Variants in ALS2CL observed in about 807,000 individuals in gnomAD.
ALS2CL encodes ALS2 C-terminal like.
A neutral mutation model predicts 127.9 loss-of-function variants in ALS2CL; 112 were observed. The ratio of observed to expected loss-of-function variants is 0.88; its 90% CI spans 0.75 to 1.02. The LOEUF is 1.02. Ranked by LOEUF, ALS2CL falls within the 50% of genes least tolerant of loss-of-function variation. The pLI, the probability that ALS2CL is intolerant of heterozygous loss-of-function variation, is 0.00. For missense variants in ALS2CL, 1,174 were observed against 1,236.7 expected, an observed-to-expected ratio of 0.95 and a Z score of 0.76; for synonymous variants, 519 against 527.6, an observed-to-expected ratio of 0.98 and a Z score of 0.22.
Position 46,685,620 on chromosome 3 carries a change from T to G in ALS2CL, c.691A>C (p.Arg231=), listed in dbSNP as rs1699704486. 7.4e-6 allele frequency: 12 copies of G among 1,613,800 alleles called. No individual in the cohort carries two copies. Among genetic ancestry groups the G allele is most frequent in the Non-Finnish European group, 9.3e-6 (11 of 1,179,926 alleles). ...ACGTCCTGGCTGTCCTGAAGGAGTC[T>G]GTGAGCAGGGGTGCAGAGCACATCC... ...LRDVLCTPAH[R]LLQDSQDVPV... is the part of the protein sequence containing the mutation. The change falls in exon 7 of 26, where the codon AGA becomes CGA. Residue 231 remains arginine (R), a synonymous_variant. Coordinates refer to ENST00000318962, the MANE Select transcript of ALS2CL (RefSeq NM_147129.5).
Position 46,676,408 on chromosome 3 carries a change from C to T in ALS2CL, c.2029-6G>A, listed in dbSNP as rs778638321. On this transcript the variant is annotated splice_polypyrimidine_tract_variant and splice_region_variant and intron_variant, in intron 18 of 25. Transcript: ENST00000318962. ...TGCAGTGAGTTGCTCAGAGCCTGGGCCAGTGCATAGGCAACAGAGAGAGAC... is the reference window on the plus strand; with the variant it reads ...TGCAGTGAGTTGCTCAGAGCCTGGGTCAGTGCATAGGCAACAGAGAGAGAC... 6.2e-7 allele frequency: 1 copy of T among 1,613,722 alleles called. No individual in the cohort carries two copies. Among genetic ancestry groups the T allele is most frequent in the Non-Finnish European group, 8.5e-7 (1 of 1,179,940 alleles).
In ALS2CL at chr3:46,670,708, A is replaced by G; in HGVS notation, c.*276T>C. On this transcript the variant is annotated 3_prime_UTR_variant, in exon 26 of 26. Coordinates refer to ENST00000318962, the MANE Select transcript of ALS2CL (RefSeq NM_147129.5). The surrounding 1 kb of genome is among the most constrained non-coding windows in gnomAD (Gnocchi z 5.5). ...AGAAAGGCTCAGGCTAAGAGAAGCC[A>G]GGGACTCCTCACCCCCAGCCTGTGA... 1 of 433,806 alleles carries G rather than the reference A, an allele frequency of 2.3e-6. No individual in the cohort carries two copies. Among genetic ancestry groups the G allele is most frequent in the Non-Finnish European group, 4.3e-6 (1 of 232,824 alleles). The allele number at this position is 433,806 out of a possible 1,614,324, so 26.9% of individuals were successfully genotyped here.
At position 46,670,643 on chromosome 3, in the gene ALS2CL, G is replaced by C. The variant is rs950756213; in HGVS notation, c.*341C>G. 5 of 322,436 alleles carry C rather than the reference G, an allele frequency of 1.6e-5. No individual in the cohort carries two copies. Among genetic ancestry groups the C allele is most frequent in the African/African-American group, 1.1e-4 (5 of 47,612 alleles). The allele number at this position is 322,436 out of a possible 1,614,324, so 20.0% of individuals were successfully genotyped here. A position where few individuals can be genotyped will look rare whatever the true frequency, so the allele number is the denominator to read the frequency against. ...AGCGTACTCACTCCACCATTGTACA[G>C]ATGGCAGCACTGAGGCCCGGAGAGG... On this transcript the variant is annotated 3_prime_UTR_variant, in exon 26 of 26. Transcript: ENST00000318962. This position sits in a 1 kb window ranked among gnomAD's most constrained non-coding sequence, Gnocchi z 5.5.
chr3:46,675,836 G>A (rs1455606554), intron 19 of ALS2CL, 150 bp from the exon 20 acceptor site: 7 of 1,475,278 alleles, frequency 4.7e-6, no homozygotes, highest in Non-Finnish European at 5.4e-6. Context: ...GAAGTTAGAA[G>A]GTTGGAGCTC....
chr3:46,676,672 C>T lies in ALS2CL; in HGVS notation c.1998G>A (p.Glu666=). 2 of 1,613,502 alleles carry T rather than the reference C, an allele frequency of 1.2e-6. No homozygotes were observed. The highest frequency in any genetic ancestry group is 1.7e-6 in the Non-Finnish European group (2 of 1,179,862). Residue 666 remains glutamate, a synonymous_variant, in exon 18 of 26, where the codon GAG becomes GAA. Coordinates refer to ENST00000318962, the MANE Select transcript of ALS2CL (RefSeq NM_147129.5). Reference sequence around the variant, plus strand: ...TGAGGTACAGCTGCAGGGCCTTGGGCTCCCGGTGCTGCAGCAGCTCCTCCA... The same window carrying T: ...TGAGGTACAGCTGCAGGGCCTTGGGTTCCCGGTGCTGCAGCAGCTCCTCCA... ...DILEELLQHR[E]PKALQLYLRK... is the part of the protein sequence containing the mutation.
chr3:46,687,784 C>A, intron 3 of ALS2CL, 100 bp from the exon 4 acceptor site: 1 of 1,298,830 alleles, frequency 7.7e-7, no homozygotes, highest in Admixed American at 2.4e-5. Flanking sequence ...TAGTCAGCTG[C>A]AGCCCTGAGG....
chr3:46,687,153 G>T lies in ALS2CL; in HGVS notation c.369-5C>A, dbSNP rs576398541. On this transcript the variant is annotated splice_region_variant and splice_polypyrimidine_tract_variant and intron_variant, in intron 4 of 25. Transcript: ENST00000318962. ...CGCTGGCCCCGCCAGTACTCGCTGCGTGTAGAGAGGGCCACGCACCACCTT... is the reference window on the plus strand; with the variant it reads ...CGCTGGCCCCGCCAGTACTCGCTGCTTGTAGAGAGGGCCACGCACCACCTT... 10 of 1,557,182 alleles carry T rather than the reference G, an allele frequency of 6.4e-6. No individual in the cohort carries two copies. The East Asian group carries it at 9.3e-5, about 14-fold the overall frequency.
chr3:46,682,280 C>T (rs1386210320), intron 10 of ALS2CL, among the ~76,000 whole-genome samples, 186 bp from the exon 11 acceptor site: 1 of 152,206 alleles, frequency 6.6e-6, no homozygotes, highest in African/African-American at 2.4e-5. Flanking sequence ...CTACTCCTGG[C>T]CCAACTGTAC....
chr3:46,688,287 G>A lies in ALS2CL; in HGVS notation c.113C>T (p.Pro38Leu). 6.2e-7 allele frequency: 1 copy of A among 1,612,584 alleles called. No homozygotes were observed. The highest frequency in any genetic ancestry group is 2.2e-5 in the East Asian group (1 of 44,872). The change falls in exon 3 of 26, where the codon CCC becomes CTC. Residue 38 changes from proline (P) to leucine (L), a missense_variant. Pro to Leu is a moderately conservative substitution (Grantham distance 98). Coordinates refer to ENST00000318962, the MANE Select transcript of ALS2CL (RefSeq NM_147129.5). ...LQPLLPAAPD[P>L]SDPWGRECLR... ...GCACTCTCTGCCCCAGGGATCCGAG[G>A]GATCTGGGGCTGGGGAAGGAGTACA...
chr3:46,670,920 G>A lies in ALS2CL; in HGVS notation c.*64C>T. The A allele has an allele frequency of 2.0e-6, 3 of 1,518,604 alleles. No homozygotes were observed. The highest frequency in any genetic ancestry group is 1.7e-4 in the Middle Eastern group (1 of 5,834). The allele number at this position is 1,518,604 out of a possible 1,614,324, so 94.1% of individuals were successfully genotyped here. A position where few individuals can be genotyped will look rare whatever the true frequency, so the allele number is the denominator to read the frequency against. ...GAGGGCCTGTCCTGCCCCTTGCCTT[G>A]GGTAATGAGGGACAGGCTGGCAGTG... is the stretch of plus-strand genomic sequence containing the variant. On this transcript the variant is annotated 3_prime_UTR_variant, in exon 26 of 26. Coordinates refer to ENST00000318962, the MANE Select transcript of ALS2CL (RefSeq NM_147129.5). The surrounding 1 kb of genome is among the most constrained non-coding windows in gnomAD (Gnocchi z 5.5).
At chr3:46,693,365 C>T (rs942726367) in intron 1 of ALS2CL, 4 of 152,366 alleles carry the variant, frequency 2.6e-5, no homozygotes, top group Non-Finnish European at 5.9e-5. Flanking sequence ...CTGGCAGTCT[C>T]TCCTGCTGGC....
Position 46,686,236 on chromosome 3 carries a change from C to G in ALS2CL, c.666+72G>C. The G allele has an allele frequency of 6.6e-7, 1 of 1,505,232 alleles. No homozygotes were observed. The highest frequency in any genetic ancestry group is 8.9e-7 in the Non-Finnish European group (1 of 1,126,320). 93.2% of individuals were successfully genotyped at this position (1,505,232 alleles called of 1,614,324 possible). A position where few individuals can be genotyped will look rare whatever the true frequency, so the allele number is the denominator to read the frequency against. ...GAGGCCCAGAGAATACAGCAAGCAG[C>G]TCAAGCCCCCCAACATCTCCATGCC... is the stretch of plus-strand genomic sequence containing the variant. On this transcript the variant is annotated intron_variant, in intron 6 of 25. Coordinates refer to ENST00000318962, the MANE Select transcript of ALS2CL (RefSeq NM_147129.5). The surrounding 1 kb of genome is among the most constrained non-coding windows in gnomAD (Gnocchi z 4.3).
intron 6 of ALS2CL, among the ~76,000 whole-genome samples, chr3:46,685,853 G>A (rs1410260607): frequency 1.3e-5 from 2 of 152,114 alleles, no homozygotes; most frequent in African/African-American, 4.8e-5. Context: ...CCACACCTCT[G>A]TGCCACGGCC....
intron 15 of ALS2CL, 94 bp from the exon 16 acceptor site, chr3:46,678,483 G>GAGGCT (rs761662472): frequency 1.4e-6 from 2 of 1,479,874 alleles, no homozygotes. Flanking sequence ...CAGTGTCAGA[G>GAGGCT]AGGCTAAGGA....
At position 46,686,469 on chromosome 3, in the gene ALS2CL, G is replaced by A. The variant is rs962106216; in HGVS notation, c.535-30C>T. Reference sequence around the variant, plus strand: ...AGGGGGACAGGGCAGCCAGTGAGAGGAGAGCTTACTGGAATCTTCCCTAGC... The same window carrying A: ...AGGGGGACAGGGCAGCCAGTGAGAGAAGAGCTTACTGGAATCTTCCCTAGC... On this transcript the variant is annotated intron_variant, in intron 5 of 25. Coordinates refer to ENST00000318962, the MANE Select transcript of ALS2CL (RefSeq NM_147129.5). The surrounding 1 kb of genome is among the most constrained non-coding windows in gnomAD (Gnocchi z 4.3). 14 of 1,602,636 alleles carry A rather than the reference G, an allele frequency of 8.7e-6. No homozygotes were observed. The highest frequency in any genetic ancestry group is 1.2e-5 in the Non-Finnish European group (14 of 1,174,088).
At position 46,686,590 on chromosome 3, in the gene ALS2CL, T is replaced by C; in HGVS notation, c.535-151A>G. On this transcript the variant is annotated intron_variant, in intron 5 of 25. Coordinates refer to ENST00000318962, the MANE Select transcript of ALS2CL (RefSeq NM_147129.5). This position sits in a 1 kb window ranked among gnomAD's most constrained non-coding sequence, Gnocchi z 4.3. The stretch of plus-strand genomic sequence containing the variant: ...CCTCTTCTGCTGGTGGGGCAGGGGG[T>C]GGAATATGAAGGTGCTTCCCCAGCT... The C allele has an allele frequency of 8.5e-7, 1 of 1,173,868 alleles. No individual in the cohort carries two copies. Among genetic ancestry groups the C allele is most frequent in the Non-Finnish European group, 1.2e-6 (1 of 851,584 alleles). 72.7% of individuals were successfully genotyped at this position (1,173,868 alleles called of 1,614,324 possible).
In ALS2CL at chr3:46,682,896, C is replaced by T. The variant is rs78668448; in HGVS notation, c.1109+234G>A. Among the ~76,000 whole-genome samples, 174 of 152,338 alleles carry T rather than the reference C, an allele frequency of 1.1e-3. 1 individual carries two copies. In the East Asian group the frequency reaches 0.031, roughly 27 times the overall value. ...TGGCACCTGCAGGCTGTAAGGCCAG[C>T]GCGTGGTTGCTGCCCCTTGTCCTCT... On this transcript the variant is annotated intron_variant, in intron 10 of 25. Transcript: ENST00000318962.
chr3:46,683,749 C>G (rs72892141), intron 9 of ALS2CL, 33 bp downstream of exon 9: 16 of 1,611,190 alleles, frequency 9.9e-6, no homozygotes, highest in Non-Finnish European at 1.4e-5. Flanking sequence ...CCTCTGACCC[C>G]GCTCCCGCAG....
Position 46,687,085 on chromosome 3 carries a change from G to C in ALS2CL, c.432C>G (p.Gly144=), listed in dbSNP as rs1364604035. 4 of 1,590,536 alleles carry C rather than the reference G, an allele frequency of 2.5e-6. No individual in the cohort carries two copies. The highest frequency in any genetic ancestry group is 2.6e-6 in the Non-Finnish European group (3 of 1,175,548). ...RQLLSGVSSE[G]SVGASLGQAL... ...CCTGGCCCAGCGATGCGCCCACCGA[G>C]CCCTCTGAGCTCACACCTGAAAGCA... Residue 144 remains glycine (G), a synonymous_variant, in exon 5 of 26, where the codon GGC becomes GGG. Transcript: ENST00000318962.
Sources: gnomAD v4.1 joint callset for allele counts (sites outside exome capture counted in the v4.1 genomes callset) on GRCh38, gnomAD v4.1.1 for gene constraint, Gnocchi (gnomAD v3.1) non-coding constraint, MANE v1.5 for transcripts, NCBI Gene and HGNC (gene_info 2026-07-23, HGNC 2026-07-21) for gene names.